Variants in RORA observed in about 807,000 individuals in gnomAD.
RORA encodes RAR related orphan receptor A, also known as nuclear receptor ROR-alpha.
A neutral mutation model predicts 69.5 loss-of-function variants in RORA; 7 were observed. The observed-to-expected ratio is 0.10, with a 90% CI of 0.06 to 0.19. The LOEUF (loss-of-function observed/expected upper bound fraction) is 0.19, where lower values mean the gene tolerates loss of function less well. Ranked by LOEUF, RORA falls within the 10% of genes least tolerant of loss-of-function variation. The pLI, the probability that RORA is intolerant of heterozygous loss-of-function variation, is 1.00. For synonymous variants in RORA, 261 were observed against 240.8 expected (o/e 1.08, Z -0.78); for missense variants, 457 against 663.0 (o/e 0.69, Z 3.41).
At chr15:60,651,599 A>T (rs2070143299) in intron 2 of RORA, among the ~76,000 whole-genome samples, 1 of 152,148 alleles carries the variant, frequency 6.6e-6, no homozygotes, top group Non-Finnish European at 1.5e-5. Flanking sequence ...ATCAAGCTAC[A>T]TCCCTTTACC....
chr15:61,013,819 G>A (rs1309230723), intron 1 of RORA, among the ~76,000 whole-genome samples: 1 of 135,662 alleles, frequency 7.4e-6, no homozygotes, highest in Non-Finnish European at 1.5e-5. Flanking sequence ...TGTCTCGCTC[G>A]GTTGCCCAGG....
At chr15:61,121,577 C>T (rs2079104597) in intron 1 of RORA, among the ~76,000 whole-genome samples, 1 of 152,148 alleles carries the variant, frequency 6.6e-6, no homozygotes, top group South Asian at 2.1e-4. Flanking sequence ...CAGCTTCAGT[C>T]TGCACCAGGA....
chr15:61,140,227 C>T (rs148232740), intron 1 of RORA, among the ~76,000 whole-genome samples: 7 of 152,236 alleles, frequency 4.6e-5, no homozygotes, highest in South Asian at 2.1e-4. Context: ...CTTATGTATA[C>T]GCAGAAGGCC....
intron 2 of RORA, among the ~76,000 whole-genome samples, chr15:60,662,727 C>T (rs1370036728): frequency 6.6e-6 from 1 of 152,034 alleles, no homozygotes; most frequent in East Asian, 1.9e-4. Context: ...AGTTTAAATC[C>T]TAGCTAAGCA....
chr15:60,649,558 A>G (rs957725282), intron 2 of RORA, among the ~76,000 whole-genome samples: 4 of 152,234 alleles, frequency 2.6e-5, no homozygotes, highest in African/African-American at 9.6e-5. Context: ...CCAATATCAT[A>G]TGTAGTTTAA....
chr15:61,027,650 G>T (rs114399302), intron 1 of RORA, among the ~76,000 whole-genome samples: 1 of 152,080 alleles, frequency 6.6e-6, no homozygotes, highest in African/African-American at 2.4e-5. Flanking sequence ...TTTTACTCAG[G>T]CATCATCTCT....
At chr15:60,890,049 C>T (rs1166064851) in intron 1 of RORA, among the ~76,000 whole-genome samples, 3 of 152,218 alleles carry the variant, frequency 2.0e-5, no homozygotes, top group Non-Finnish European at 4.4e-5. Flanking sequence ...AAGGCAGGCC[C>T]TATTGGGATT....
At chr15:60,948,116 G>C (rs1892956216) in intron 1 of RORA, among the ~76,000 whole-genome samples, 1 of 152,098 alleles carries the variant, frequency 6.6e-6, no homozygotes, top group Non-Finnish European at 1.5e-5. Flanking sequence ...GGTCATGCGA[G>C]ACATGCCCAA....
chr15:60,898,074 T>C (rs186728859), intron 1 of RORA, among the ~76,000 whole-genome samples: 3 of 152,352 alleles, frequency 2.0e-5, no homozygotes, highest in Non-Finnish European at 4.4e-5. Context: ...GAATCTACTA[T>C]GTGCTAGGGA....
intron 1 of RORA, among the ~76,000 whole-genome samples, chr15:61,115,661 A>T (rs982352837): frequency 9.2e-5 from 14 of 152,288 alleles, no homozygotes; most frequent in Admixed American, 6.5e-4. Flanking sequence ...ACGGTACCAC[A>T]TGGTTTGGGG....
intron 1 of RORA, among the ~76,000 whole-genome samples, chr15:61,135,607 A>G (rs538515862): frequency 6.7e-6 from 1 of 148,496 alleles, no homozygotes; most frequent in Non-Finnish European, 1.5e-5. Flanking sequence ...AACCACAACT[A>G]TCACCAAATC....
chr15:60,943,261 G>C (rs1231630978), intron 1 of RORA, among the ~76,000 whole-genome samples: 2 of 152,196 alleles, frequency 1.3e-5, no homozygotes, highest in East Asian at 1.9e-4. Flanking sequence ...CATTTTAAAA[G>C]TACACTGTCA....
chr15:61,008,425 C>T (rs1034092888), intron 1 of RORA, among the ~76,000 whole-genome samples: 8 of 152,196 alleles, frequency 5.3e-5, no homozygotes, highest in Admixed American at 3.3e-4. Flanking sequence ...GGTATATCAG[C>T]TGGGTCTCTC....
chr15:60,646,756 C>T (rs920415881), intron 2 of RORA, among the ~76,000 whole-genome samples: 3 of 152,156 alleles, frequency 2.0e-5, no homozygotes, highest in Non-Finnish European at 4.4e-5. Flanking sequence ...GGCTGGATTG[C>T]ACATGGGGCG....
intron 1 of RORA, among the ~76,000 whole-genome samples, chr15:61,001,440 C>T (rs115295363): frequency 7.9e-4 from 120 of 152,340 alleles, no homozygotes; most frequent in Middle Eastern, 3.4e-3. Context: ...AGAAAACTAA[C>T]GTGATGTGCT....
intron 2 of RORA, among the ~76,000 whole-genome samples, chr15:60,654,892 T>C (rs77568819): frequency 0.013 from 1,991 of 152,328 alleles, 57 homozygotes; most frequent in East Asian, 0.1. Flanking sequence ...AGGAACTGGC[T>C]GAGTGTTAGC....
intron 1 of RORA, among the ~76,000 whole-genome samples, chr15:61,064,268 C>T (rs1213307080): frequency 1.3e-5 from 2 of 152,220 alleles, no homozygotes; most frequent in East Asian, 3.8e-4. Context: ...TTATGATTCA[C>T]TTGAGTCACA....
chr15:60,545,333 T>A (rs953400738), intron 2 of RORA, among the ~76,000 whole-genome samples: 1 of 152,194 alleles, frequency 6.6e-6, no homozygotes, highest in Non-Finnish European at 1.5e-5. Context: ...CTAGCACTTA[T>A]GAGGAATTAT....
intron 2 of RORA, among the ~76,000 whole-genome samples, chr15:60,555,756 C>CT (rs892495595): frequency 3.0e-4 from 46 of 151,528 alleles, no homozygotes; most frequent in East Asian, 2.3e-3. Context: ...TTTTTTTTTC[C>CT]TTTTTTCTTA....
Sources: gnomAD v4.1 joint callset for allele counts (sites outside exome capture counted in the v4.1 genomes callset) on GRCh38, gnomAD v4.1.1 for gene constraint, MANE v1.5 for transcripts, NCBI Gene and HGNC (gene_info 2026-07-23, HGNC 2026-07-21) for gene names.